Variants in CEP128 observed in about 807,000 individuals in gnomAD.
CEP128 encodes centrosomal protein 128.
A neutral mutation model predicts 156.7 loss-of-function variants in CEP128; 132 were observed. The observed-to-expected ratio is 0.84, with a 90% CI of 0.73 to 0.97. CEP128 has a LOEUF of 0.97. Among genes scored for constraint, CEP128 ranks in the 50% least tolerant of loss-of-function variants. The pLI is 0.00. For missense variants in CEP128, 1,252 were observed against 1,281.9 expected (o/e 0.98, Z 0.36); for synonymous variants, 469 against 448.9 (o/e 1.04, Z -0.57).
At chr14:80,895,857 G>A (rs1340612138) in intron 7 of CEP128, 67 bp from the exon 8 acceptor site, 2 of 1,061,784 alleles carry the variant, frequency 1.9e-6, no homozygotes, top group Admixed American at 3.1e-5. Context: ...CGAGTGAAAT[G>A]TATAACATGA....
At chr14:80,889,983 C>G (rs1889011631) in intron 8 of CEP128, among the ~76,000 whole-genome samples, 2 of 151,970 alleles carry the variant, frequency 1.3e-5, no homozygotes. Context: ...GAACAGACAC[C>G]TCTCAAAAGA....
intron 20 of CEP128, among the ~76,000 whole-genome samples, chr14:80,562,823 G>A (rs369189486): frequency 9.9e-5 from 15 of 151,606 alleles, no homozygotes; most frequent in African/African-American, 3.6e-4. Flanking sequence ...ACCACACCCA[G>A]CTAATTTTTT....
Position 80,593,659 on chromosome 14 carries a change from G to T in CEP128, c.2807-13236C>A, listed in dbSNP as rs570475603. ...CAAAATCAATATGCAAAAATCACAA[G>T]CATTCCTATACACCAATAATAGACA... On this transcript the variant is annotated intron_variant, in intron 19 of 24. Transcript: ENST00000555265. Among the ~76,000 whole-genome samples the T allele has an allele frequency of 1.8e-3, 272 of 151,470 alleles. 1 individual carries two copies. Among genetic ancestry groups the T allele is most frequent in the African/African-American group, 6.2e-3 (254 of 41,266 alleles).
chr14:80,776,152 A>G (rs1900778730), intron 16 of CEP128, among the ~76,000 whole-genome samples: 1 of 151,842 alleles, frequency 6.6e-6, no homozygotes, highest in South Asian at 2.1e-4. Context: ...CAACATATCA[A>G]ATTTTTCACC....
At chr14:80,724,867 C>A (rs141703112) in intron 19 of CEP128, among the ~76,000 whole-genome samples, 2 of 150,916 alleles carry the variant, frequency 1.3e-5, no homozygotes, top group Non-Finnish European at 3.0e-5. Context: ...AGCCTCCTTG[C>A]CTTGTTGTTT....
At position 80,939,495 on chromosome 14, in the gene CEP128, G is replaced by C. The variant is rs1447179526; in HGVS notation, c.-126C>G. ...CATGAGGTTCAGGGCAAAGGGCCTAGTCAAGCCGATGATCTTTGGTTGCCC... is the reference window on the plus strand; with the variant it reads ...CATGAGGTTCAGGGCAAAGGGCCTACTCAAGCCGATGATCTTTGGTTGCCC... On this transcript the variant is annotated 5_prime_UTR_variant, in exon 2 of 25. Transcript: ENST00000555265. 6.6e-6 allele frequency: 1 copy of C among 152,146 alleles called. No homozygotes were observed. Among genetic ancestry groups the C allele is most frequent in the African/African-American group, 2.4e-5 (1 of 41,430 alleles). The allele number at this position is 152,146 out of a possible 1,614,324, so 9.4% of individuals were successfully genotyped here. A position where few individuals can be genotyped will look rare whatever the true frequency, so the allele number is the denominator to read the frequency against.
At chr14:80,811,593 G>A (rs1461255899) in intron 13 of CEP128, among the ~76,000 whole-genome samples, 2 of 151,842 alleles carry the variant, frequency 1.3e-5, no homozygotes, top group African/African-American at 2.4e-5. Context: ...TTCAGAAAAT[G>A]GCATATATAT....
intron 2 of CEP128, among the ~76,000 whole-genome samples, chr14:80,921,601 A>G (rs758843149): frequency 2.0e-5 from 3 of 152,184 alleles, no homozygotes; most frequent in Non-Finnish European, 4.4e-5. Context: ...GGCAGAGGTA[A>G]AGAGGGAGTG....
intron 13 of CEP128, among the ~76,000 whole-genome samples, chr14:80,824,688 T>C (rs1056055737): frequency 5.3e-5 from 8 of 152,310 alleles, no homozygotes; most frequent in Admixed American, 5.2e-4. Flanking sequence ...CCCTGGACTT[T>C]ATTGTCCATA....
At chr14:80,617,219 C>CGTTTTTT (rs1893254041) in intron 19 of CEP128, among the ~76,000 whole-genome samples, 1 of 60,216 alleles carries the variant, frequency 1.7e-5, no homozygotes, top group Non-Finnish European at 2.9e-5. Context: ...TGAATATCAT[C>CGTTTTTT]TTTTTTTTTT....
chr14:80,927,531 G>A (rs910160283), intron 2 of CEP128, among the ~76,000 whole-genome samples: 15 of 152,158 alleles, frequency 9.9e-5, no homozygotes, highest in African/African-American at 2.4e-4. Context: ...GTCACAGTCC[G>A]CCTCTACATG....
chr14:80,627,025 A>G (rs1462971947), intron 19 of CEP128, among the ~76,000 whole-genome samples: 1 of 152,174 alleles, frequency 6.6e-6, no homozygotes, highest in East Asian at 1.9e-4. Context: ...TTTATATTCC[A>G]TACAGTCCTG....
chr14:80,850,431 T>C (rs1214086987), intron 9 of CEP128, among the ~76,000 whole-genome samples: 1 of 152,200 alleles, frequency 6.6e-6, no homozygotes, highest in Non-Finnish European at 1.5e-5. Flanking sequence ...TCAAAACTTG[T>C]AGTAATTCCC....
intron 19 of CEP128, among the ~76,000 whole-genome samples, chr14:80,716,186 T>C (rs1897597689): frequency 6.6e-6 from 1 of 152,206 alleles, no homozygotes; most frequent in African/African-American, 2.4e-5. Flanking sequence ...ATAAATTAAA[T>C]GAGACTCCTA....
intron 13 of CEP128, among the ~76,000 whole-genome samples, chr14:80,800,262 G>A (rs1424108114): frequency 1.3e-5 from 2 of 152,096 alleles, no homozygotes; most frequent in South Asian, 2.1e-4. Context: ...CTTATAAAAT[G>A]GACTCAATAA....
intron 14 of CEP128, among the ~76,000 whole-genome samples, chr14:80,484,474 T>C (rs1310844344): frequency 6.6e-6 from 1 of 152,228 alleles, no homozygotes; most frequent in Non-Finnish European, 1.5e-5. Flanking sequence ...CATGATGCTA[T>C]CAACCGACAG....
intron 2 of CEP128, among the ~76,000 whole-genome samples, chr14:80,946,868 G>T (rs955634773): frequency 2.6e-5 from 4 of 152,246 alleles, no homozygotes; most frequent in Non-Finnish European, 5.9e-5. Context: ...GTGGGACGTG[G>T]TGGGAGGTGA....
intron 8 of CEP128, among the ~76,000 whole-genome samples, chr14:80,884,258 C>T (rs1888687101): frequency 6.6e-6 from 1 of 152,152 alleles, no homozygotes. Context: ...AGCTTGCACA[C>T]AGCGAAGTTA....
intron 21 of CEP128, among the ~76,000 whole-genome samples, chr14:80,553,633 T>C (rs567937830): frequency 9.2e-5 from 14 of 152,366 alleles, no homozygotes; most frequent in African/African-American, 2.9e-4. Context: ...GTGTCTTCTC[T>C]ATAAAGCACT....
Sources: allele counts gnomAD v4.1 joint callset (sites outside exome capture counted in the v4.1 genomes callset), GRCh38; gene constraint gnomAD v4.1.1; transcripts MANE v1.5; gene names NCBI Gene and HGNC (gene_info 2026-07-23, HGNC 2026-07-21).